ELF2: variants seen among roughly 807,000 people sequenced by gnomAD.
ELF2 encodes the protein E74 like ETS transcription factor 2.
ELF2 carries 11 observed loss-of-function variants against 54.8 expected under a neutral mutation model. The observed-to-expected ratio is 0.20, with a 90% CI of 0.13 to 0.33. The LOEUF (loss-of-function observed/expected upper bound fraction) is 0.33, where lower values mean the gene tolerates loss of function less well. ELF2 is among the 10% of genes least tolerant of loss of function. The pLI, the probability that ELF2 is intolerant of heterozygous loss-of-function variation, is 1.00. For missense variants in ELF2, 513 were observed against 703.0 expected, an observed-to-expected ratio of 0.73 and a Z score of 3.06; for synonymous variants, 203 against 245.1, an observed-to-expected ratio of 0.83 and a Z score of 1.61.
intron 4 of ELF2, among the ~76,000 whole-genome samples, chr4:139,109,987 A>C (rs1186860319): frequency 1.8e-4 from 28 of 152,220 alleles, no homozygotes; most frequent in Non-Finnish European, 1.5e-5. Flanking sequence ...AATCTAAAAT[A>C]AAAAGAAACG....
intron 4 of ELF2, among the ~76,000 whole-genome samples, chr4:139,118,685 T>C (rs1051658154): frequency 7.2e-6 from 1 of 138,032 alleles, no homozygotes; most frequent in African/African-American, 2.7e-5. Flanking sequence ...AAAGCATTTG[T>C]TTTTTTTTTT....
rs532727210 is a variant in ELF2, at chr4:139,159,333, G to A, written c.-252+17634C>T. ...AAGGAAATGAGACGTTTTAAGAGAT[G>A]GGCTAGCAGCTTGTAACCTACATGG... On this transcript the variant is annotated intron_variant, in intron 1 of 9. Coordinates refer to ENST00000686138, the MANE Select transcript of ELF2 (RefSeq NM_001331036.3). Among the ~76,000 whole-genome samples the A allele has an allele frequency of 3.3e-5, 5 of 152,314 alleles. No homozygotes were observed. The East Asian group carries it at 9.7e-4, about 29-fold the overall frequency.
intron 1 of ELF2, among the ~76,000 whole-genome samples, chr4:139,162,349 C>T (rs941111495): frequency 6.6e-6 from 1 of 151,946 alleles, no homozygotes; most frequent in Non-Finnish European, 1.5e-5. Context: ...CTGGCCAACA[C>T]GGTGAAACCC....
intron 1 of ELF2, among the ~76,000 whole-genome samples, chr4:139,170,382 G>A (rs1322011900): frequency 1.4e-5 from 2 of 146,058 alleles, no homozygotes; most frequent in African/African-American, 5.1e-5. Flanking sequence ...CTCTGTCTCA[G>A]CCTCCTAAGT....
chr4:139,130,448 T>A (rs1168162931), intron 3 of ELF2, among the ~76,000 whole-genome samples: 5 of 152,336 alleles, frequency 3.3e-5, no homozygotes, highest in Admixed American at 6.5e-5. Context: ...ATGTGAACAT[T>A]TCCAAGACTT....
intron 1 of ELF2, among the ~76,000 whole-genome samples, chr4:139,147,571 A>G (rs1739359757): frequency 6.6e-6 from 1 of 152,050 alleles, no homozygotes; most frequent in Admixed American, 6.6e-5. Flanking sequence ...CCCTGGCTTC[A>G]AGCCATTCTC....
chr4:139,064,717 T>G (rs752917625), intron 7 of ELF2, among the ~76,000 whole-genome samples: 7 of 151,792 alleles, frequency 4.6e-5, no homozygotes, highest in Admixed American at 1.3e-4. Flanking sequence ...CCATCTCTAC[T>G]AAAAATATAA....
At chr4:139,172,011 C>T (rs140434530) in intron 1 of ELF2, among the ~76,000 whole-genome samples, 82 of 152,308 alleles carry the variant, frequency 5.4e-4, no homozygotes, top group African/African-American at 1.8e-3. Flanking sequence ...CTAGAACTCT[C>T]AAACATTGCT....
chr4:139,095,716 T>C (rs1415740065), intron 4 of ELF2, among the ~76,000 whole-genome samples: 1 of 152,206 alleles, frequency 6.6e-6, no homozygotes, highest in African/African-American at 2.4e-5. Flanking sequence ...AAATCAATGA[T>C]GGATTTCATT....
chr4:139,099,424 T>C (rs1733640179), intron 4 of ELF2, among the ~76,000 whole-genome samples: 1 of 152,314 alleles, frequency 6.6e-6, no homozygotes, highest in South Asian at 2.1e-4. Context: ...TGGAGCACAG[T>C]GTGGAAACAT....
intron 1 of ELF2, among the ~76,000 whole-genome samples, chr4:139,176,139 G>GGGT (rs1360120919): frequency 6.6e-6 from 1 of 152,204 alleles, no homozygotes; most frequent in Non-Finnish European, 1.5e-5. Context: ...CTGAGGACCA[G>GGGT]CTTCGCGAGG....
chr4:139,148,075 C>G (rs751168785), intron 1 of ELF2, among the ~76,000 whole-genome samples: 1 of 147,988 alleles, frequency 6.8e-6, no homozygotes, highest in Non-Finnish European at 1.5e-5. Flanking sequence ...CATGAGCCAC[C>G]GTGCCCAGCC....
At chr4:139,103,601 C>T (rs1166793918) in intron 4 of ELF2, among the ~76,000 whole-genome samples, 1 of 152,254 alleles carries the variant, frequency 6.6e-6, no homozygotes, top group Non-Finnish European at 1.5e-5. Flanking sequence ...TTCCCCAATA[C>T]TTCACGCCCT....
chr4:139,073,257 T>A (rs1729777709), intron 5 of ELF2, among the ~76,000 whole-genome samples, 197 bp downstream of exon 5: 3 of 152,216 alleles, frequency 2.0e-5, no homozygotes, highest in Non-Finnish European at 4.4e-5. Context: ...ATTTTCTGTA[T>A]CATTTGTTAT....
At chr4:139,154,644 A>G (rs1740342101) in intron 1 of ELF2, among the ~76,000 whole-genome samples, 1 of 151,924 alleles carries the variant, frequency 6.6e-6, no homozygotes, top group Non-Finnish European at 1.5e-5. Flanking sequence ...GGGCCTCAAG[A>G]TCTTTACACT....
chr4:139,158,031 T>C (rs980577034), intron 1 of ELF2, among the ~76,000 whole-genome samples: 1 of 152,202 alleles, frequency 6.6e-6, no homozygotes, highest in Non-Finnish European at 1.5e-5. Flanking sequence ...AACAAGGCTG[T>C]TTATTTCACC....
chr4:139,126,408 CAAGA>C (rs1224701956), intron 3 of ELF2, among the ~76,000 whole-genome samples: 1 of 147,984 alleles, frequency 6.8e-6, no homozygotes, highest in Non-Finnish European at 1.5e-5. Context: ...AAGAAATCAA[CAAGA>C]AAGAAGTAAA....
intron 4 of ELF2, among the ~76,000 whole-genome samples, chr4:139,123,527 C>G (rs941657660): frequency 1.3e-5 from 2 of 152,192 alleles, no homozygotes; most frequent in Non-Finnish European, 2.9e-5. Context: ...TTGAATTAAT[C>G]TAAATTAATA....
In ELF2 at chr4:139,125,331, T is replaced by A; in HGVS notation, c.73-2A>T. Reference sequence around the variant, plus strand: ...ATATTCAGAAACCTTTTCACTTTCCTATAAGAGCAAATTTAAAGAACAATC... The same window carrying A: ...ATATTCAGAAACCTTTTCACTTTCCAATAAGAGCAAATTTAAAGAACAATC... On this transcript the variant is annotated splice_acceptor_variant, in intron 3 of 9. Transcript: ENST00000686138. LOFTEE classifies it high-confidence loss of function. 6.2e-7 allele frequency: 1 copy of A among 1,601,050 alleles called. No individual in the cohort carries two copies. The highest frequency in any genetic ancestry group is 8.5e-7 in the Non-Finnish European group (1 of 1,177,110).
Sources: gnomAD v4.1 joint callset for allele counts (sites outside exome capture counted in the v4.1 genomes callset) on GRCh38, gnomAD v4.1.1 for gene constraint, MANE v1.5 for transcripts, NCBI Gene and HGNC (gene_info 2026-07-23, HGNC 2026-07-21) for gene names.